Variants in TTC16 observed in about 807,000 individuals in gnomAD.
The protein encoded by TTC16 is tetratricopeptide repeat domain 16.
Under a neutral mutation model 80.4 loss-of-function variants are expected in TTC16, and 66 were observed. The ratio of observed to expected loss-of-function variants is 0.82; its 90% CI spans 0.67 to 1.01. The LOEUF is 1.01. Ranked by LOEUF, TTC16 falls within the 50% of genes least tolerant of loss-of-function variation. TTC16 has a pLI of 0.00. For missense variants in TTC16, 1,070 were observed against 1,103.2 expected (o/e 0.97, Z 0.43); for synonymous variants, 438 against 451.3 (o/e 0.97, Z 0.37).
chr9:127,727,665 G>A (rs1187209196), intron 12 of TTC16, 200 bp downstream of exon 12: 5 of 1,116,114 alleles, frequency 4.5e-6, no homozygotes, highest in African/African-American at 1.6e-5. Flanking sequence ...CGGAGGGTGT[G>A]TGGGGATGTG....
intron 4 of TTC16, among the ~76,000 whole-genome samples, 155 bp downstream of exon 4, chr9:127,717,927 T>C (rs1048711719): frequency 6.6e-6 from 1 of 152,194 alleles, no homozygotes; most frequent in Non-Finnish European, 1.5e-5. Flanking sequence ...GCTGGTTTAC[T>C]GCCAGGGTTG....
intron 7 of TTC16, 104 bp downstream of exon 7, chr9:127,723,437 C>A: frequency 9.0e-7 from 1 of 1,113,416 alleles, no homozygotes; most frequent in South Asian, 1.5e-5. Context: ...CTCAGTTTCC[C>A]CAGCTAGCCT....
Position 127,727,363 on chromosome 9 carries a change from G to A in TTC16, c.1662G>A (p.Glu554=). Residue 554 remains glutamate (E), a synonymous_variant, in exon 12 of 14, where the codon GAG becomes GAA. Transcript: ENST00000373289. ...QGEPLIATSE[E]LKATPEIPQV... ...AGCCTTTGATTGCGACCTCCGAGGA[G>A]CTGAAGGCCACCCCTGAGATTCCGC... The A allele has an allele frequency of 6.2e-7, 1 of 1,610,864 alleles. No homozygotes were observed. The highest frequency in any genetic ancestry group is 8.5e-7 in the Non-Finnish European group (1 of 1,178,244).
chr9:127,726,746 C>G (rs1327171003), intron 10 of TTC16, among the ~76,000 whole-genome samples: 5 of 143,286 alleles, frequency 3.5e-5, no homozygotes, highest in African/African-American at 1.3e-4. Flanking sequence ...CAAGTTTGTG[C>G]CACTGCACTC....
At chr9:127,716,761 C>T in intron 1 of TTC16, 83 bp from the exon 2 acceptor site, 3 of 1,498,958 alleles carry the variant, frequency 2.0e-6, no homozygotes, top group Non-Finnish European at 2.7e-6. Context: ...CCTCTCCTCC[C>T]TCCCTGCAGA....
At position 127,722,926 on chromosome 9, in the gene TTC16, C is replaced by T. The variant is rs995744918; in HGVS notation, c.658-193C>T. Among the ~76,000 whole-genome samples, 2 of 151,614 alleles carry T rather than the reference C, an allele frequency of 1.3e-5. No homozygotes were observed. Among genetic ancestry groups the T allele is most frequent in the African/African-American group, 4.9e-5 (2 of 41,218 alleles). The stretch of plus-strand genomic sequence containing the variant: ...GAGGTTGCAGTGAGCCAAGACCACG[C>T]CATTGCACTCCAGCCTGGGTGACAG... On this transcript the variant is annotated intron_variant, in intron 6 of 13. Transcript: ENST00000373289. The surrounding 1 kb of genome is among the most constrained non-coding windows in gnomAD (Gnocchi z 4.2).
intron 10 of TTC16, among the ~76,000 whole-genome samples, 159 bp downstream of exon 10, chr9:127,726,563 G>A (rs1237456895): frequency 2.0e-5 from 3 of 152,098 alleles, no homozygotes; most frequent in Non-Finnish European, 4.4e-5. Flanking sequence ...CAAGGCGGGT[G>A]GATCACTTGA....
intron 6 of TTC16, among the ~76,000 whole-genome samples, chr9:127,720,918 T>TCCCTTCCTCCCTTCC (rs1292179565): frequency 4.1e-3 from 60 of 14,782 alleles, no homozygotes; most frequent in African/African-American, 0.019. Context: ...TCCTCCCTCC[T>TCCCTTCCTCCCTTCC]CCCTTCCTCC....
Position 127,720,154 on chromosome 9 carries a change from A to C in TTC16, c.503A>C (p.Glu168Ala). Residue 168 changes from glutamate to alanine, a missense_variant, in exon 5 of 14, where the codon GAG becomes GCG. By Grantham distance (107) the Glu-to-Ala change is moderately radical (BLOSUM62 -1). Transcript: ENST00000373289. ...VFSHAAELQPEKPCFRYRCMA... is the reference protein window; with the variant it reads ...VFSHAAELQPAKPCFRYRCMA... ...TCACATGCTGCTGAGCTCCAGCCTG[A>C]GAAACCATGCTTCCGTTACCGATGG... 2.5e-6 allele frequency: 4 copies of C among 1,613,870 alleles called. No homozygotes were observed. The highest frequency in any genetic ancestry group is 3.4e-6 in the Non-Finnish European group (4 of 1,180,002).
At position 127,727,192 on chromosome 9, in the gene TTC16, C is replaced by G. The variant is rs1196452626; in HGVS notation, c.1569-78C>G. 10 of 1,519,608 alleles carry G rather than the reference C, an allele frequency of 6.6e-6. 1 individual carries two copies. In the Middle Eastern group the frequency reaches 5.4e-4, roughly 82 times the overall value. 94.1% of individuals were successfully genotyped at this position (1,519,608 alleles called of 1,614,324 possible). On this transcript the variant is annotated intron_variant, in intron 11 of 13. Transcript: ENST00000373289. Reference sequence around the variant, plus strand: ...GGCTCCTCTGGCTCCAGCTGCATGACGGGGCCGTTGTCTAGTCCTTGGAGA... The same window carrying G: ...GGCTCCTCTGGCTCCAGCTGCATGAGGGGGCCGTTGTCTAGTCCTTGGAGA...
chr9:127,716,433 C>T, intron 1 of TTC16: 2 of 586,880 alleles, frequency 3.4e-6, no homozygotes, highest in East Asian at 2.9e-5. Context: ...GTGAGGTGCT[C>T]AGTGTGGCCT....
At chr9:127,724,687 A>G in intron 8 of TTC16, 69 bp from the exon 9 acceptor site, 1 of 1,555,504 alleles carries the variant, frequency 6.4e-7, no homozygotes, top group Admixed American at 1.9e-5. Context: ...CCCGGGCTGG[A>G]GCCGGCTGGG....
rs767960410 is a variant in TTC16, at chr9:127,724,369, G to C, written c.1117+5G>C. 3 of 1,610,716 alleles carry C rather than the reference G, an allele frequency of 1.9e-6. No homozygotes were observed. The highest frequency in any genetic ancestry group is 1.7e-5 in the Admixed American group (1 of 59,918). ...GACTCTACATCAACCGAGGCGGTGCGCAGCGACCAGGGCACTGGGGAGGGG... is the reference window on the plus strand; with the variant it reads ...GACTCTACATCAACCGAGGCGGTGCCCAGCGACCAGGGCACTGGGGAGGGG... On this transcript the variant is annotated splice_donor_5th_base_variant and intron_variant, in intron 8 of 13. Transcript: ENST00000373289.
chr9:127,727,819 G>T (rs1844104833), intron 12 of TTC16: 2 of 177,578 alleles, frequency 1.1e-5, no homozygotes, highest in African/African-American at 4.7e-5. Flanking sequence ...GAGTACAGTG[G>T]CACAATCTCG....
chr9:127,722,640 C>T lies in TTC16; in HGVS notation c.658-479C>T, dbSNP rs376370056. ...TGGGGCCTGGGATGGAATTTCTCCA[C>T]GATGCTCCCTGTCTCCTTCAAGAGG... On this transcript the variant is annotated intron_variant, in intron 6 of 13. Transcript: ENST00000373289. This position sits in a 1 kb window ranked among gnomAD's most constrained non-coding sequence, Gnocchi z 4.2. Among the ~76,000 whole-genome samples the T allele has an allele frequency of 3.3e-5, 5 of 152,214 alleles. No individual in the cohort carries two copies. The highest frequency in any genetic ancestry group is 6.5e-5 in the Admixed American group (1 of 15,296).
Position 127,724,813 on chromosome 9 carries a change from T to C in TTC16, c.1175T>C (p.Leu392Pro). The C allele has an allele frequency of 5.0e-6, 8 of 1,609,228 alleles. No homozygotes were observed. The highest frequency in any genetic ancestry group is 2.2e-5 in the East Asian group (1 of 44,782). ...GCCGAGGCGGACTACCAGCAGGCGCTGGCGCTGAGCCCTCAGGACGAGGGC... is the reference window on the plus strand; with the variant it reads ...GCCGAGGCGGACTACCAGCAGGCGCCGGCGCTGAGCCCTCAGGACGAGGGC... Reference protein sequence around the residue: ...AFAEADYQQALALSPQDEGAN... With the variant: ...AFAEADYQQAPALSPQDEGAN... Residue 392 changes from leucine (L) to proline (P), a missense_variant, in exon 9 of 14, where the codon CTG becomes CCG. Leu to Pro is a moderately conservative substitution (Grantham distance 98, BLOSUM62 -3). Coordinates refer to ENST00000373289, the MANE Select transcript of TTC16 (RefSeq NM_144965.3).
Position 127,729,683 on chromosome 9 carries a change from C to T in TTC16, c.1852+15C>T, listed in dbSNP as rs747774634. On this transcript the variant is annotated intron_variant, in intron 13 of 13. Coordinates refer to ENST00000373289, the MANE Select transcript of TTC16 (RefSeq NM_144965.3). Reference sequence around the variant, plus strand: ...CAGCATGAGCTGTAAGTCCCTGGTGCTTCCGCCAGGCCTCAGGAAGCTAAG... The same window carrying T: ...CAGCATGAGCTGTAAGTCCCTGGTGTTTCCGCCAGGCCTCAGGAAGCTAAG... 5.0e-6 allele frequency: 8 copies of T among 1,610,930 alleles called. No homozygotes were observed. In the East Asian group the frequency reaches 1.6e-4, roughly 31 times the overall value.
Position 127,724,856 on chromosome 9 carries a change from C to T in TTC16, c.1218C>T (p.Gly406=). The T allele has an allele frequency of 6.3e-7, 1 of 1,584,304 alleles. No individual in the cohort carries two copies. Among genetic ancestry groups the T allele is most frequent in the Non-Finnish European group, 8.6e-7 (1 of 1,167,496 alleles). The change falls in exon 9 of 14, where the codon GGC becomes GGT. Residue 406 remains glycine, a synonymous_variant. Transcript: ENST00000373289. ...PQDEGANTRM[G]LLQEKMGFCE... is the part of the protein sequence containing the mutation. ...ACGAGGGCGCCAACACGCGCATGGG[C>T]CTGCTGCAGGAGAAGATGGGCTTCT...
rs375225944 is a variant in TTC16 at position 127,724,218 on chromosome 9, G to A, written c.971G>A (p.Arg324Gln). The change falls in exon 8 of 14, where the codon CGG (arginine) becomes CAG (glutamine). Residue 324 changes from arginine (R) to glutamine (Q), a missense_variant. Coordinates refer to ENST00000373289, the MANE Select transcript of TTC16 (RefSeq NM_144965.3). ...ACCGAGGACCAGGAGGACATGGTGCGGCAGGCACAGCGCCAGCTGTTGCTG... is the reference window on the plus strand; with the variant it reads ...ACCGAGGACCAGGAGGACATGGTGCAGCAGGCACAGCGCCAGCTGTTGCTG... ...MVTEDQEDMV[R>Q]QAQRQLLLTY... The A allele has an allele frequency of 5.6e-6, 9 of 1,613,016 alleles. No individual in the cohort carries two copies. Among genetic ancestry groups the A allele is most frequent in the East Asian group, 2.2e-5 (1 of 44,898 alleles).
Sources: allele counts gnomAD v4.1 joint callset (sites outside exome capture counted in the v4.1 genomes callset), GRCh38; gene constraint gnomAD v4.1.1; non-coding constraint Gnocchi (gnomAD v3.1); transcripts MANE v1.5; gene names NCBI Gene and HGNC (gene_info 2026-07-23, HGNC 2026-07-21).